ARHGAP15: variants seen among roughly 807,000 people sequenced by gnomAD.
ARHGAP15 encodes rho GTPase-activating protein 15.
A neutral mutation model predicts 63.7 loss-of-function variants in ARHGAP15; 51 were observed. The observed-to-expected ratio is 0.80, with a 90% CI of 0.64 to 1.01. The LOEUF (loss-of-function observed/expected upper bound fraction) is 1.01. Among genes scored for constraint, ARHGAP15 ranks in the 50% least tolerant of loss-of-function variants. ARHGAP15 has a pLI of 0.00. For missense variants in ARHGAP15, 560 were observed against 564.6 expected (o/e 0.99, Z 0.08); for synonymous variants, 191 against 193.8 (o/e 0.99, Z 0.12).
At chr2:143,412,760 A>G (rs1241582603) in intron 6 of ARHGAP15, among the ~76,000 whole-genome samples, 3 of 152,104 alleles carry the variant, frequency 2.0e-5, no homozygotes, top group African/African-American at 7.2e-5. Flanking sequence ...GTTTAAATAC[A>G]GCTTCTCCTC....
At chr2:143,218,277 C>CTTTTTTTTT (rs762494225) in intron 4 of ARHGAP15, among the ~76,000 whole-genome samples, 276 of 91,994 alleles carry the variant, frequency 3.0e-3, no homozygotes, top group African/African-American at 4.3e-3. Flanking sequence ...TTTAGTTTTC[C>CTTTTTTTTT]TTTTTTTTTT....
chr2:143,276,377 T>A (rs570036628), intron 6 of ARHGAP15, among the ~76,000 whole-genome samples: 1 of 152,338 alleles, frequency 6.6e-6, no homozygotes, highest in South Asian at 2.1e-4. Flanking sequence ...ATTAGTTACT[T>A]TCCCCTATTT....
intron 13 of ARHGAP15, among the ~76,000 whole-genome samples, chr2:143,738,043 C>T (rs1223233859): frequency 6.6e-6 from 1 of 152,040 alleles, no homozygotes; most frequent in Non-Finnish European, 1.5e-5. Flanking sequence ...TCGTTTACTG[C>T]ATTGCAATCC....
Position 143,515,078 on chromosome 2 carries a change from T to G in ARHGAP15, c.827-4188T>G, listed in dbSNP as rs113499690. ...GACAAGAAGGATTGTGCACAGTGAT[T>G]ACACCTATCACACCCTTATCCTGAT... On this transcript the variant is annotated intron_variant, in intron 9 of 13. Coordinates refer to ENST00000295095, the MANE Select transcript of ARHGAP15 (RefSeq NM_018460.4). 3.8e-3 allele frequency among the ~76,000 whole-genome samples: 579 copies of G among 151,974 alleles called. 6 individuals carry two copies. The highest frequency in any genetic ancestry group is 0.013 in the African/African-American group (559 of 41,430).
intron 12 of ARHGAP15, among the ~76,000 whole-genome samples, chr2:143,694,885 T>C (rs1490629896): frequency 6.6e-6 from 1 of 151,544 alleles, no homozygotes; most frequent in Admixed American, 6.6e-5. Flanking sequence ...GGAAAAGTGT[T>C]TCTTAATTCA....
intron 8 of ARHGAP15, among the ~76,000 whole-genome samples, chr2:143,462,432 CA>C (rs201677396): frequency 6.6e-6 from 1 of 151,456 alleles, no homozygotes; most frequent in Admixed American, 6.6e-5. Context: ...GCCATGATAG[CA>C]AAAAAAAGGC....
At chr2:143,182,227 T>C (rs1165621830) in intron 2 of ARHGAP15, among the ~76,000 whole-genome samples, 1 of 152,204 alleles carries the variant, frequency 6.6e-6, no homozygotes, top group Non-Finnish European at 1.5e-5. Context: ...TCTCCCAAAT[T>C]GCTGGAATTA....
intron 6 of ARHGAP15, among the ~76,000 whole-genome samples, chr2:143,263,651 A>T (rs957791279): frequency 6.6e-6 from 1 of 152,202 alleles, no homozygotes; most frequent in Non-Finnish European, 1.5e-5. Flanking sequence ...GTAGACAAGG[A>T]TCTGCATGCT....
chr2:143,555,921 A>C (rs888293144), intron 10 of ARHGAP15, among the ~76,000 whole-genome samples: 9 of 126,196 alleles, frequency 7.1e-5, no homozygotes, highest in African/African-American at 2.8e-4. Flanking sequence ...AGAATAGAAT[A>C]GAATAGAACA....
At chr2:143,315,235 C>T (rs954493168) in intron 6 of ARHGAP15, among the ~76,000 whole-genome samples, 1 of 152,000 alleles carries the variant, frequency 6.6e-6, no homozygotes, top group Non-Finnish European at 1.5e-5. Context: ...CCATTTATAG[C>T]CTTATACATA....
intron 11 of ARHGAP15, among the ~76,000 whole-genome samples, chr2:143,611,847 T>C (rs1034898368): frequency 3.3e-5 from 5 of 152,182 alleles, no homozygotes; most frequent in Admixed American, 3.3e-4. Flanking sequence ...AAACAATAGT[T>C]TTCTTTGGTT....
intron 12 of ARHGAP15, among the ~76,000 whole-genome samples, chr2:143,638,618 A>T (rs1255025587): frequency 6.7e-6 from 1 of 149,810 alleles, no homozygotes; most frequent in Non-Finnish European, 1.5e-5. Context: ...AACCTGCACA[A>T]TGTGCACATG....
chr2:143,306,595 A>G (rs931154648), intron 6 of ARHGAP15, among the ~76,000 whole-genome samples: 2 of 152,174 alleles, frequency 1.3e-5, no homozygotes, highest in South Asian at 2.1e-4. Context: ...TCTTAGAATT[A>G]CTTAGGAGAG....
chr2:143,324,039 A>T (rs1359284869), intron 6 of ARHGAP15, among the ~76,000 whole-genome samples: 2 of 152,090 alleles, frequency 1.3e-5, no homozygotes, highest in African/African-American at 4.8e-5. Context: ...AAGCATGAAG[A>T]AGTTGAGGCC....
chr2:143,438,240 A>G (rs934180707), intron 8 of ARHGAP15, among the ~76,000 whole-genome samples: 3 of 152,110 alleles, frequency 2.0e-5, no homozygotes, highest in Non-Finnish European at 2.9e-5. Flanking sequence ...CTGCTAATGG[A>G]ATATATGTGT....
chr2:143,717,958 G>A (rs1018580797), intron 13 of ARHGAP15, among the ~76,000 whole-genome samples: 2 of 151,490 alleles, frequency 1.3e-5, no homozygotes, highest in Admixed American at 6.6e-5. Context: ...GGTAGCCCAC[G>A]CAACAGGAAG....
chr2:143,443,062 T>A (rs1269267929), intron 8 of ARHGAP15, among the ~76,000 whole-genome samples: 1 of 152,198 alleles, frequency 6.6e-6, no homozygotes, highest in Non-Finnish European at 1.5e-5. Flanking sequence ...ATATTTATTA[T>A]TATCCAAAAT....
chr2:143,396,985 G>C (rs1014635293), intron 6 of ARHGAP15, among the ~76,000 whole-genome samples: 5 of 152,104 alleles, frequency 3.3e-5, no homozygotes, highest in African/African-American at 9.7e-5. Context: ...TGGAGGAAGA[G>C]GAAGAATTCT....
intron 6 of ARHGAP15, among the ~76,000 whole-genome samples, chr2:143,356,077 A>C (rs1685797605): frequency 2.6e-5 from 4 of 152,024 alleles, no homozygotes; most frequent in African/African-American, 9.7e-5. Context: ...AGAGAGAGAA[A>C]GAAAGAAAGC....
Sources: allele counts gnomAD v4.1 joint callset (sites outside exome capture counted in the v4.1 genomes callset), GRCh38; gene constraint gnomAD v4.1.1; transcripts MANE v1.5; gene names NCBI Gene and HGNC (gene_info 2026-07-23, HGNC 2026-07-21).